SLC7A10: variants seen among roughly 807,000 people sequenced by gnomAD.
SLC7A10 encodes the protein solute carrier family 7 member 10, also known as asc-type amino acid transporter 1.
In SLC7A10, 30 loss-of-function variants were observed where a neutral mutation model predicts 52.7. The ratio of observed to expected loss-of-function variants is 0.57; its 90% CI spans 0.43 to 0.77. The LOEUF is 0.77. Ranked by LOEUF, SLC7A10 falls within the 30% of genes least tolerant of loss-of-function variation. SLC7A10 has a pLI of 0.00. For synonymous variants in SLC7A10, 318 were observed against 314.9 expected, an observed-to-expected ratio of 1.01 and a Z score of -0.10; for missense variants, 581 against 698.5, an observed-to-expected ratio of 0.83 and a Z score of 1.90.
At chr19:33,216,072 G>A (rs1273032570) in intron 1 of SLC7A10, 99 bp from the exon 2 acceptor site, 11 of 1,151,770 alleles carry the variant, frequency 9.6e-6, no homozygotes, top group African/African-American at 3.1e-5. Flanking sequence ...AAGACAGCCC[G>A]GGGTGCTTCC....
chr19:33,217,271 CG>C, intron 1 of SLC7A10, among the ~76,000 whole-genome samples: 1 of 152,112 alleles, frequency 6.6e-6, no homozygotes, highest in African/African-American at 2.4e-5. Flanking sequence ...TTCGGCCTCC[CG>C]AAGTGCTGGG....
At chr19:33,209,669 C>T (rs1451187818) in intron 9 of SLC7A10, among the ~76,000 whole-genome samples, 184 bp from the exon 10 acceptor site, 2 of 152,086 alleles carry the variant, frequency 1.3e-5, no homozygotes, top group Admixed American at 6.5e-5. Flanking sequence ...TGGGTCAGGC[C>T]GTTGGCCAGT....
rs1398266250 is a variant in SLC7A10, at chr19:33,211,326, G to A, written c.915C>T (p.Thr305=). 1 of 1,614,112 alleles carries A rather than the reference G, an allele frequency of 6.2e-7. No homozygotes were observed. Among genetic ancestry groups the A allele is most frequent in the Non-Finnish European group, 8.5e-7 (1 of 1,180,030 alleles). The change falls in exon 7 of 11, where the codon ACC becomes ACT. Residue 305 remains threonine, a splice_region_variant and synonymous_variant. Coordinates refer to ENST00000253188, the MANE Select transcript of SLC7A10 (RefSeq NM_019849.3). ...ELLSSNAVAV[T]FGEKLLGYFS... is the part of the protein sequence containing the mutation. Reference sequence around the variant, plus strand: ...AGTAGCCCAGCAGCTTCTCCCCGAAGGTCTGGGTGGGCACAGTAGAGAGGC... The same window carrying A: ...AGTAGCCCAGCAGCTTCTCCCCGAAAGTCTGGGTGGGCACAGTAGAGAGGC...
intron 1 of SLC7A10, among the ~76,000 whole-genome samples, chr19:33,223,312 A>G (rs1160055308): frequency 9.1e-4 from 8 of 8,776 alleles, no homozygotes; most frequent in Non-Finnish European, 4.3e-3. Context: ...TGTCTCAGAA[A>G]AAAAAAAAAA....
chr19:33,211,254 C>T lies in SLC7A10; in HGVS notation c.987G>A (p.Gly329=). The T allele has an allele frequency of 6.2e-7, 1 of 1,614,022 alleles. No individual in the cohort carries two copies. The highest frequency in any genetic ancestry group is 8.5e-7 in the Non-Finnish European group (1 of 1,180,032). ...PVSVALSTFG[G]INGYLFTYSR... ...AGTAGGTGAACAGGTAACCATTGAT[C>T]CCTCCGAAGGTTGACAGAGCCACGG... Residue 329 remains glycine, a synonymous_variant, in exon 7 of 11, where the codon GGG becomes GGA. Coordinates refer to ENST00000253188, the MANE Select transcript of SLC7A10 (RefSeq NM_019849.3).
intron 5 of SLC7A10, 83 bp from the exon 6 acceptor site, chr19:33,211,620 G>A: frequency 1.2e-6 from 2 of 1,608,332 alleles, no homozygotes; most frequent in Non-Finnish European, 1.7e-6. Flanking sequence ...GCAGCTCATA[G>A]TCTCCATCTC....
intron 1 of SLC7A10, among the ~76,000 whole-genome samples, chr19:33,224,917 C>T (rs930856561): frequency 6.6e-6 from 1 of 152,082 alleles, no homozygotes; most frequent in African/African-American, 2.4e-5. Flanking sequence ...TGGCCTTCTG[C>T]AGGCTGGGTC....
At chr19:33,216,734 C>T (rs779987148) in intron 1 of SLC7A10, among the ~76,000 whole-genome samples, 40 of 152,268 alleles carry the variant, frequency 2.6e-4, no homozygotes, top group Middle Eastern at 3.4e-3. Context: ...GCCACCACGC[C>T]TGGCTAATAT....
chr19:33,213,839 G>A (rs77681282), intron 2 of SLC7A10, among the ~76,000 whole-genome samples: 10,570 of 152,230 alleles, frequency 0.069, 530 homozygotes, highest in African/African-American at 0.14. Context: ...GCCTCTGCAG[G>A]GCACCCAGAC....
rs1467581556 is a variant in SLC7A10 at position 33,212,287 on chromosome 19, C to T, written c.788+5G>A. 9.4e-6 allele frequency: 15 copies of T among 1,599,894 alleles called. No individual in the cohort carries two copies. The highest frequency in any genetic ancestry group is 1.3e-5 in the Non-Finnish European group (15 of 1,173,974). On this transcript the variant is annotated splice_donor_5th_base_variant and intron_variant, in intron 5 of 10. Transcript: ENST00000253188. ...TCCCAGGGCCCAGTTGGGGGCCCCA[C>T]TCACTTTCGGGCGTCAACCATCTCC...
chr19:33,217,469 A>G (rs939652885), intron 1 of SLC7A10, among the ~76,000 whole-genome samples: 3 of 150,392 alleles, frequency 2.0e-5, no homozygotes, highest in Non-Finnish European at 4.5e-5. Context: ...ATCTGTGCAC[A>G]TGAATCCGGT....
rs1231111279 is a variant in SLC7A10 at position 33,209,356 on chromosome 19, G to C, written c.1393C>G (p.Leu465Val). 1.9e-6 allele frequency: 3 copies of C among 1,613,936 alleles called. No homozygotes were observed. The highest frequency in any genetic ancestry group is 2.5e-6 in the Non-Finnish European group (3 of 1,180,014). ...GGTTTGCTTCTCCAGAACACTCCCA[G>C]AAAGAAAATGGGCACCCCCGTAAGG... Reference protein sequence around the residue: ...IILTGVPIFFLGVFWRSKPKC... With the variant: ...IILTGVPIFFVGVFWRSKPKC... Residue 465 changes from leucine to valine, a missense_variant, in exon 10 of 11, where the codon CTG (leucine) becomes GTG (valine). By Grantham distance (32) the Leu-to-Val change is conservative (BLOSUM62 1). Transcript: ENST00000253188.
At position 33,209,489 on chromosome 19, in the gene SLC7A10, G is replaced by C; in HGVS notation, c.1264-4C>G. 6.2e-7 allele frequency: 1 copy of C among 1,613,682 alleles called. No individual in the cohort carries two copies. Among genetic ancestry groups the C allele is most frequent in the Non-Finnish European group, 8.5e-7 (1 of 1,179,922 alleles). On this transcript the variant is annotated splice_region_variant and splice_polypyrimidine_tract_variant and intron_variant, in intron 9 of 10. Transcript: ENST00000253188. Reference sequence around the variant, plus strand: ...CCACGGGGATGAGAAGGTTCACCTGGGGAAGGGGGAGCAGAAACACCGATG... The same window carrying C: ...CCACGGGGATGAGAAGGTTCACCTGCGGAAGGGGGAGCAGAAACACCGATG...
At position 33,208,968 on chromosome 19, in the gene SLC7A10, C is replaced by T. The variant is rs745586308; in HGVS notation, c.1495G>A (p.Ala499Thr). Residue 499 changes from alanine to threonine, a missense_variant, in exon 11 of 11, where the codon GCC becomes ACC. Transcript: ENST00000253188. This position sits in a 1 kb window ranked among gnomAD's most constrained non-coding sequence, Gnocchi z 4.7. ...GGGCCATTCTCCTCCTCTTCGGGGG[C>T]GTCCTGGGGGTAGACCACGAAACAC... Reference protein sequence around the residue: ...ELCFVVYPQDAPEEEENGPCP... With the variant: ...ELCFVVYPQDTPEEEENGPCP... The T allele has an allele frequency of 2.0e-5, 32 of 1,613,828 alleles. No homozygotes were observed. Among genetic ancestry groups the T allele is most frequent in the Non-Finnish European group, 2.5e-5 (29 of 1,180,016 alleles).
In SLC7A10 at chr19:33,212,831, G is replaced by A; in HGVS notation, c.508+20C>T. Reference sequence around the variant, plus strand: ...GGCAGGTGGCTGATCTGGGGACAGTGGGCCAAAGGGGATGCTTACTCAGGC... The same window carrying A: ...GGCAGGTGGCTGATCTGGGGACAGTAGGCCAAAGGGGATGCTTACTCAGGC... On this transcript the variant is annotated intron_variant, in intron 3 of 10. Coordinates refer to ENST00000253188, the MANE Select transcript of SLC7A10 (RefSeq NM_019849.3). 1 of 1,612,450 alleles carries A rather than the reference G, an allele frequency of 6.2e-7. No homozygotes were observed. Among genetic ancestry groups the A allele is most frequent in the African/African-American group, 1.3e-5 (1 of 75,030 alleles).
chr19:33,214,331 T>C (rs1181706269), intron 2 of SLC7A10, among the ~76,000 whole-genome samples: 1 of 151,928 alleles, frequency 6.6e-6, no homozygotes, highest in Non-Finnish European at 1.5e-5. Context: ...CAGCCCAGAC[T>C]TTTCCTCTGA....
chr19:33,216,623 C>CTTTCG (rs1313668293), intron 1 of SLC7A10, among the ~76,000 whole-genome samples: 3 of 151,980 alleles, frequency 2.0e-5, no homozygotes, highest in African/African-American at 7.3e-5. Context: ...CTTTCCTTTC[C>CTTTCG]TTTCTCTTTT....
chr19:33,212,597 G>A lies in SLC7A10; in HGVS notation c.551C>T (p.Thr184Met), dbSNP rs148500073. Residue 184 changes from threonine (T) to methionine (M), a missense_variant, in exon 4 of 11, where the codon ACG becomes ATG. Coordinates refer to ENST00000253188, the MANE Select transcript of SLC7A10 (RefSeq NM_019849.3). Reference sequence around the variant, plus strand: ...GCCTGTGAACATGTCCTGGATGCGCGTGGCCCAGCGCACACTGGAGCTGTT... The same window carrying A: ...GCCTGTGAACATGTCCTGGATGCGCATGGCCCAGCGCACACTGGAGCTGTT... Reference protein sequence around the residue: ...WVNSSSVRWATRIQDMFTGGK... With the variant: ...WVNSSSVRWAMRIQDMFTGGK... 1.3e-3 allele frequency: 2,024 copies of A among 1,613,808 alleles called. 6 individuals carry two copies. Among genetic ancestry groups the A allele is most frequent in the Non-Finnish European group, 1.4e-3 (1,625 of 1,180,054 alleles).
At chr19:33,213,382 G>A (rs963439480) in intron 2 of SLC7A10, among the ~76,000 whole-genome samples, 6 of 151,604 alleles carry the variant, frequency 4.0e-5, no homozygotes, top group South Asian at 2.1e-4. Flanking sequence ...TCCACCTCTC[G>A]GGTTCATGCC....
Sources: gnomAD v4.1 joint callset for allele counts (sites outside exome capture counted in the v4.1 genomes callset) on GRCh38, gnomAD v4.1.1 for gene constraint, Gnocchi (gnomAD v3.1) non-coding constraint, MANE v1.5 for transcripts, NCBI Gene and HGNC (gene_info 2026-07-23, HGNC 2026-07-21) for gene names.